Variants in FGF1 observed in about 807,000 individuals in gnomAD.
FGF1 encodes the protein fibroblast growth factor 1.
Under a neutral mutation model 13.4 loss-of-function variants are expected in FGF1, and 9 were observed. The observed-to-expected ratio is 0.67, with a 90% CI of 0.40 to 1.17. The LOEUF is 1.17. Ranked by LOEUF, FGF1 falls within the 50% of genes most tolerant of loss-of-function variation. The pLI is 0.01. For missense variants in FGF1, 156 were observed against 192.7 expected (o/e 0.81, Z 1.13); for synonymous variants, 93 against 79.0 (o/e 1.18, Z -0.94).
At position 142,667,512 on chromosome 5, in the gene FGF1, G is replaced by A. The variant is rs186673548; in HGVS notation, c.-35+18445C>T. On this transcript the variant is annotated intron_variant, in intron 1 of 3. Transcript: ENST00000337706. The stretch of plus-strand genomic sequence containing the variant: ...GAGGCAGGAGAAAGGTGTGAACCTG[G>A]GAGGCGGAGCTTGCAGTGAGCTGAG... Among the ~76,000 whole-genome samples the A allele has an allele frequency of 4.1e-3, 619 of 151,762 alleles. 4 individuals carry two copies. Among genetic ancestry groups the A allele is most frequent in the African/African-American group, 0.014 (591 of 41,362 alleles).
At position 142,629,201 on chromosome 5, in the gene FGF1, G is replaced by C. The variant is rs140726723; in HGVS notation, c.-34-15040C>G. ...AACAGGTTCTTGCTCTGTTCCCCAG[G>C]CTTTAGTGCAGTGGCACGAATACAG... On this transcript the variant is annotated intron_variant, in intron 1 of 3. Coordinates refer to ENST00000337706, the MANE Select transcript of FGF1 (RefSeq NM_000800.5). Among the ~76,000 whole-genome samples the C allele has an allele frequency of 4.8e-3, 735 of 152,250 alleles. 6 individuals carry two copies. Among genetic ancestry groups the C allele is most frequent in the Admixed American group, 0.012 (185 of 15,286 alleles).
chr5:142,688,005 C>A (rs1751536672), upstream of FGF1, among the ~76,000 whole-genome samples: 1 of 152,186 alleles, frequency 6.6e-6, no homozygotes. Flanking sequence ...TGTTCGAGCA[C>A]CTTGAACGCA....
intron 2 of FGF1, among the ~76,000 whole-genome samples, chr5:142,612,963 T>C (rs1048003986): frequency 1.4e-5 from 2 of 141,934 alleles, no homozygotes; most frequent in African/African-American, 5.8e-5. Context: ...CATGTCAAAG[T>C]GAGTGTTTTG....
At chr5:142,689,420 G>A (rs1751775904), upstream of FGF1, among the ~76,000 whole-genome samples, 1 of 152,174 alleles carries the variant, frequency 6.6e-6, no homozygotes, top group Admixed American at 6.5e-5. Flanking sequence ...ACATTCATGG[G>A]AAATTGTATT....
At chr5:142,628,304 T>G (rs146092009) in intron 1 of FGF1, among the ~76,000 whole-genome samples, 2,797 of 151,734 alleles carry the variant, frequency 0.018, 87 homozygotes, top group African/African-American at 0.064. Flanking sequence ...AGGTTGGGAG[T>G]TTGAGACCAG....
chr5:142,629,234 T>C (rs1762937908), intron 1 of FGF1, among the ~76,000 whole-genome samples: 1 of 152,230 alleles, frequency 6.6e-6, no homozygotes, highest in Non-Finnish European at 1.5e-5. Flanking sequence ...CAGCTCACTG[T>C]AGCCTCAAAC....
chr5:142,638,009 AT>A (rs1764568797), intron 1 of FGF1, among the ~76,000 whole-genome samples: 1 of 152,006 alleles, frequency 6.6e-6, no homozygotes, highest in Non-Finnish European at 1.5e-5. Context: ...GCAAATGGTC[AT>A]TAAGAATCTA....
intron 2 of FGF1, among the ~76,000 whole-genome samples, chr5:142,612,121 C>A (rs1213439791): frequency 6.6e-6 from 1 of 152,188 alleles, no homozygotes; most frequent in Non-Finnish European, 1.5e-5. Context: ...TCCTTGAATG[C>A]AGAAATCCTC....
At chr5:142,645,113 A>C (rs182164974) in intron 1 of FGF1, among the ~76,000 whole-genome samples, 21 of 152,294 alleles carry the variant, frequency 1.4e-4, no homozygotes, top group South Asian at 8.3e-4. Flanking sequence ...CTTGTAATGC[A>C]GTCATCTCCT....
chr5:142,627,616 G>A (rs1252574415), intron 1 of FGF1, among the ~76,000 whole-genome samples: 2 of 152,162 alleles, frequency 1.3e-5, no homozygotes, highest in East Asian at 3.8e-4. Flanking sequence ...TTGAAAGGGG[G>A]CCATGGAGGC....
At chr5:142,605,140 C>T (rs1757366023) in intron 2 of FGF1, among the ~76,000 whole-genome samples, 2 of 152,036 alleles carry the variant, frequency 1.3e-5, no homozygotes, top group South Asian at 4.2e-4. Flanking sequence ...TGGAGTCTCA[C>T]TCTGTTGCCC....
rs1491324574 is a variant in FGF1 at position 142,634,192 on chromosome 5, C to CAAA, written c.-34-20032_-34-20031insTTT. 1.1e-4 allele frequency among the ~76,000 whole-genome samples: 6 copies of CAAA among 53,338 alleles called. 1 individual carries two copies. The highest frequency in any genetic ancestry group is 2.5e-4 in the African/African-American group (3 of 12,004). 35.0% of individuals were successfully genotyped at this position (53,338 alleles called of 152,430 possible). A position where few individuals can be genotyped will look rare whatever the true frequency, so the allele number is the denominator to read the frequency against. ...TGGGTGACAGAGCGAGACTCCATCT[C>CAAA]AAGAAAAAAAAAAAAAAAAAACTCC... On this transcript the variant is annotated intron_variant, in intron 1 of 3. Transcript: ENST00000337706.
chr5:142,620,290 C>T (rs956269548), intron 1 of FGF1, among the ~76,000 whole-genome samples: 6 of 151,940 alleles, frequency 3.9e-5, no homozygotes, highest in Admixed American at 1.3e-4. Flanking sequence ...TGGTGGTGGG[C>T]GCCTGTAGTC....
rs777053892 is a variant in FGF1, at chr5:142,595,486, T to C, written c.274-2A>G. 6.8e-6 allele frequency: 11 copies of C among 1,611,652 alleles called. No individual in the cohort carries two copies. The highest frequency in any genetic ancestry group is 9.3e-6 in the Non-Finnish European group (11 of 1,178,856). On this transcript the variant is annotated splice_acceptor_variant, in intron 3 of 3. Coordinates refer to ENST00000337706, the MANE Select transcript of FGF1 (RefSeq NM_000800.5). LOFTEE classifies it high-confidence loss of function. ...CAAACATTCCTCATTTGGTGTCTGC[T>C]AAAAAGATAAAACCAAAAGAGAGTA...
chr5:142,690,237 C>CGTGAAGCCG (rs1554096265), upstream of FGF1, among the ~76,000 whole-genome samples: 3 of 151,888 alleles, frequency 2.0e-5, no homozygotes, highest in Non-Finnish European at 4.4e-5. Flanking sequence ...AGGAGAATGG[C>CGTGAAGCCG]GTGAACCCGG....
upstream of FGF1, among the ~76,000 whole-genome samples, chr5:142,689,204 A>G (rs1751739238): frequency 6.6e-6 from 1 of 152,100 alleles, no homozygotes; most frequent in South Asian, 2.1e-4. Flanking sequence ...GACACATTGC[A>G]TTTTCTTTCT....
intron 2 of FGF1, among the ~76,000 whole-genome samples, chr5:142,694,909 G>A (rs1380274853): frequency 2.0e-5 from 3 of 152,092 alleles, no homozygotes; most frequent in African/African-American, 4.8e-5. Flanking sequence ...AGAGGTACTG[G>A]GCACCCAGGT....
At chr5:142,647,203 G>T (rs1035603873) in intron 1 of FGF1, among the ~76,000 whole-genome samples, 4 of 152,198 alleles carry the variant, frequency 2.6e-5, no homozygotes, top group Non-Finnish European at 5.9e-5. Context: ...TTGCTTAAAA[G>T]CAGAGCATAA....
chr5:142,599,100 T>A (rs1755912755), intron 3 of FGF1, among the ~76,000 whole-genome samples: 1 of 152,214 alleles, frequency 6.6e-6, no homozygotes, highest in Non-Finnish European at 1.5e-5. Flanking sequence ...TTATGATCCA[T>A]GACTGTCCTC....
Sources: gnomAD v4.1 joint callset for allele counts (sites outside exome capture counted in the v4.1 genomes callset) on GRCh38, gnomAD v4.1.1 for gene constraint, MANE v1.5 for transcripts, NCBI Gene and HGNC (gene_info 2026-07-23, HGNC 2026-07-21) for gene names.